SPECC1: variants seen among roughly 807,000 people sequenced by gnomAD.
SPECC1 encodes the protein cytospin-B.
A neutral mutation model predicts 104.1 loss-of-function variants in SPECC1; 62 were observed. That is an observed-to-expected ratio of 0.60 (90% confidence interval 0.49 to 0.74). The LOEUF is 0.74. Among genes scored for constraint, SPECC1 ranks in the 30% least tolerant of loss-of-function variants. SPECC1 has a pLI of 0.00. For synonymous variants in SPECC1, 513 were observed against 501.6 expected, an observed-to-expected ratio of 1.02 and a Z score of -0.30; for missense variants, 1,306 against 1,310.5, an observed-to-expected ratio of 1.00 and a Z score of 0.05.
At chr17:20,310,344 A>C (rs2041896730) in intron 14 of SPECC1, among the ~76,000 whole-genome samples, 1 of 152,174 alleles carries the variant, frequency 6.6e-6, no homozygotes, top group Non-Finnish European at 1.5e-5. Context: ...ACTAATTTAC[A>C]TTTCCACCAA....
intron 1 of SPECC1, among the ~76,000 whole-genome samples, chr17:20,072,229 T>C (rs921313590): frequency 3.3e-5 from 5 of 152,198 alleles, no homozygotes; most frequent in African/African-American, 1.2e-4. Flanking sequence ...TTCAAAACCA[T>C]TCCTGATGAC....
chr17:20,043,301 G>T (rs2045407879), intron 1 of SPECC1, among the ~76,000 whole-genome samples: 1 of 152,138 alleles, frequency 6.6e-6, no homozygotes, highest in African/African-American at 2.4e-5. Flanking sequence ...ATTATCTGTG[G>T]TGTGAAACTC....
chr17:20,069,063 C>G (rs1395397691), intron 1 of SPECC1, among the ~76,000 whole-genome samples: 1 of 152,158 alleles, frequency 6.6e-6, no homozygotes, highest in African/African-American at 2.4e-5. Flanking sequence ...TTTCATCACC[C>G]AGGAAGTAAG....
At chr17:20,100,648 T>C (rs1241356439) in intron 2 of SPECC1, among the ~76,000 whole-genome samples, 5 of 152,260 alleles carry the variant, frequency 3.3e-5, no homozygotes, top group African/African-American at 1.2e-4. Flanking sequence ...ATTCGAATTA[T>C]TATTTTTTTA....
intron 14 of SPECC1, among the ~76,000 whole-genome samples, chr17:20,312,779 C>T (rs557512572): frequency 6.6e-6 from 1 of 152,214 alleles, no homozygotes; most frequent in African/African-American, 2.4e-5. Flanking sequence ...GTTCTACCAA[C>T]TCTTCTTCCA....
Position 20,204,917 on chromosome 17 carries a change from G to A in SPECC1, c.868G>A (p.Gly290Arg). 1 of 1,614,040 alleles carries A rather than the reference G, an allele frequency of 6.2e-7. No individual in the cohort carries two copies. Among genetic ancestry groups the A allele is most frequent in the Non-Finnish European group, 8.5e-7 (1 of 1,180,008 alleles). ...TQESSFGSPT[G>R]NQMSSDIDEY... is the part of the protein sequence containing the mutation. ...AGAGTCAAGCTTCGGAAGCCCAACT[G>A]GAAATCAGATGTCCAGTGACATTGA... Residue 290 changes from glycine (G) to arginine (R), a missense_variant, in exon 4 of 15, where the codon GGA becomes AGA. Coordinates refer to ENST00000395527, the MANE Select transcript of SPECC1 (RefSeq NM_001243439.2).
At chr17:20,088,131 G>A in intron 1 of SPECC1, among the ~76,000 whole-genome samples, 1 of 152,178 alleles carries the variant, frequency 6.6e-6, no homozygotes, top group Non-Finnish European at 1.5e-5. Context: ...CTAGGAGCTT[G>A]GGGCTGGGAC....
intron 3 of SPECC1, among the ~76,000 whole-genome samples, chr17:20,170,628 C>T (rs1454573625): frequency 6.6e-6 from 1 of 152,164 alleles, no homozygotes; most frequent in Admixed American, 6.5e-5. Flanking sequence ...CTCAGTCTTT[C>T]ATAAGTATTT....
rs545760653 is a variant in SPECC1, at chr17:20,093,109, G to A, written c.-21-3522G>A. The stretch of plus-strand genomic sequence containing the variant: ...TCTTAGTCTGTTCAGGCTGCTGTAA[G>A]AGAAATACCATAAACTGGGTGACTT... On this transcript the variant is annotated intron_variant, in intron 1 of 14. Coordinates refer to ENST00000395527, the MANE Select transcript of SPECC1 (RefSeq NM_001243439.2). 3.9e-5 allele frequency among the ~76,000 whole-genome samples: 6 copies of A among 152,332 alleles called. No homozygotes were observed. In the South Asian group the frequency reaches 1.0e-3, roughly 26 times the overall value.
In SPECC1 at chr17:20,257,608, G is replaced by A; in HGVS notation, c.2837+1G>A. The A allele has an allele frequency of 6.2e-7, 1 of 1,611,802 alleles. No homozygotes were observed. The highest frequency in any genetic ancestry group is 8.5e-7 in the Non-Finnish European group (1 of 1,179,506). On this transcript the variant is annotated splice_donor_variant, in intron 11 of 14. Coordinates refer to ENST00000395527, the MANE Select transcript of SPECC1 (RefSeq NM_001243439.2). LOFTEE classifies it high-confidence loss of function. ...CATGGAAACCACAAAGCAAACTCAG[G>A]TATCGTGTTTCAAACAATAAGAAAT...
intron 1 of SPECC1, among the ~76,000 whole-genome samples, chr17:20,096,300 C>T (rs1210300783): frequency 6.6e-6 from 1 of 152,146 alleles, no homozygotes; most frequent in African/African-American, 2.4e-5. Context: ...CTCTGGCTGA[C>T]CTGTTTTATC....
rs868276118 is a variant in SPECC1 at position 20,257,369 on chromosome 17, T to C, written c.2681-82T>C. ...TTGCACTTGAGGATAAAATGAGAAC[T>C]GTATTGTATTTGAGAATGAAGTATG... On this transcript the variant is annotated intron_variant, in intron 10 of 14. Transcript: ENST00000395527. 8.0e-5 allele frequency: 115 copies of C among 1,435,550 alleles called. No individual in the cohort carries two copies. In the African/African-American group the frequency reaches 1.6e-3, roughly 20 times the overall value. The allele number at this position is 1,435,550 out of a possible 1,614,324, so 88.9% of individuals were successfully genotyped here.
chr17:20,076,066 A>G (rs961269460), intron 1 of SPECC1, among the ~76,000 whole-genome samples: 36 of 152,298 alleles, frequency 2.4e-4, no homozygotes, highest in Admixed American at 5.9e-4. Context: ...ACAATGAACT[A>G]TGATCTCACT....
At chr17:20,094,999 C>T (rs1302566923) in intron 1 of SPECC1, among the ~76,000 whole-genome samples, 1 of 152,214 alleles carries the variant, frequency 6.6e-6, no homozygotes, top group Non-Finnish European at 1.5e-5. Context: ...GTCAGACTGA[C>T]AGGTTGCTGG....
chr17:20,311,644 C>T (rs1351808467), intron 14 of SPECC1, among the ~76,000 whole-genome samples: 4 of 152,092 alleles, frequency 2.6e-5, no homozygotes, highest in Non-Finnish European at 4.4e-5. Context: ...CCACCCGCCT[C>T]GGCCTCCCAA....
intron 3 of SPECC1, among the ~76,000 whole-genome samples, chr17:20,162,742 A>G (rs945852089): frequency 6.6e-6 from 1 of 152,032 alleles, no homozygotes; most frequent in Non-Finnish European, 1.5e-5. Context: ...AAAAGTGAAG[A>G]TGTGGCTGGG....
chr17:20,275,225 T>C (rs1261026618), intron 12 of SPECC1, among the ~76,000 whole-genome samples: 2 of 152,224 alleles, frequency 1.3e-5, no homozygotes, highest in African/African-American at 4.8e-5. Flanking sequence ...GGTATACTAT[T>C]CCTGAAGGAA....
At chr17:20,167,223 T>G (rs1222456576) in intron 3 of SPECC1, among the ~76,000 whole-genome samples, 1 of 148,430 alleles carries the variant, frequency 6.7e-6, no homozygotes, top group Admixed American at 6.8e-5. Flanking sequence ...ACTATATATA[T>G]AATGTATATA....
At chr17:20,064,265 T>C (rs1194925961) in intron 1 of SPECC1, among the ~76,000 whole-genome samples, 2 of 152,156 alleles carry the variant, frequency 1.3e-5, no homozygotes, top group Non-Finnish European at 2.9e-5. Context: ...TCCAGAACCC[T>C]GATGGCAGGA....
Sources: gnomAD v4.1 joint callset for allele counts (sites outside exome capture counted in the v4.1 genomes callset) on GRCh38, gnomAD v4.1.1 for gene constraint, MANE v1.5 for transcripts, NCBI Gene and HGNC (gene_info 2026-07-23, HGNC 2026-07-21) for gene names.